ADAM22: variants seen among roughly 807,000 people sequenced by gnomAD.
ADAM22 encodes the protein disintegrin and metalloproteinase domain-containing protein 22.
ADAM22 carries 65 observed loss-of-function variants against 144.6 expected under a neutral mutation model. The observed-to-expected ratio is 0.45, with a 90% confidence interval of 0.37 to 0.55. The LOEUF is 0.55. ADAM22 is among the 20% of genes least tolerant of loss of function. The pLI is 0.00. For synonymous variants in ADAM22, 391 were observed against 412.6 expected, an observed-to-expected ratio of 0.95 and a Z score of 0.63; for missense variants, 974 against 1,184.9, an observed-to-expected ratio of 0.82 and a Z score of 2.61.
intron 4 of ADAM22, among the ~76,000 whole-genome samples, chr7:88,086,547 A>T (rs1372974826): frequency 6.6e-6 from 1 of 152,260 alleles, no homozygotes; most frequent in Non-Finnish European, 1.5e-5. Context: ...TTAATGGGAC[A>T]TATTAATCTT....
chr7:87,959,438 C>T (rs531292135), intron 2 of ADAM22, among the ~76,000 whole-genome samples: 141 of 152,116 alleles, frequency 9.3e-4, no homozygotes, highest in Middle Eastern at 6.8e-3. Context: ...GTCATATATG[C>T]AAATCGCTGG....
At chr7:88,021,550 T>A (rs1389774257) in intron 3 of ADAM22, among the ~76,000 whole-genome samples, 1 of 152,200 alleles carries the variant, frequency 6.6e-6, no homozygotes, top group East Asian at 1.9e-4. Context: ...CCTTATGTTT[T>A]CTATTAGCGA....
intron 2 of ADAM22, among the ~76,000 whole-genome samples, chr7:87,938,702 T>C (rs1009647226): frequency 1.6e-4 from 24 of 152,252 alleles, no homozygotes; most frequent in African/African-American, 5.3e-4. Context: ...CTGGATGGAG[T>C]GCAGCGGCAC....
intron 2 of ADAM22, among the ~76,000 whole-genome samples, chr7:87,950,889 GTGA>G (rs1341670365): frequency 2.6e-5 from 4 of 151,078 alleles, no homozygotes; most frequent in Non-Finnish European, 5.9e-5. Flanking sequence ...CTGATGGCCA[GTGA>G]TGATGAGCAT....
Position 88,179,089 on chromosome 7 carries a change from CATT to C in ADAM22, c.2459_2461del (p.Tyr820del), listed in dbSNP as rs1563405444. On this transcript the variant is annotated inframe_deletion, in exon 27 of 32. Transcript: ENST00000413139. ...TCAGATTTCTACCTGTTCCATCACACATTATTCCATTAGTCAGAACATTTCATT... is the reference window on the plus strand; with the variant it reads ...TCAGATTTCTACCTGTTCCATCACACATTCCATTAGTCAGAACATTTCATT... 1 of 1,379,328 alleles carries C rather than the reference CATT, an allele frequency of 7.2e-7. No individual in the cohort carries two copies. The highest frequency in any genetic ancestry group is 1.0e-6 in the Non-Finnish European group (1 of 967,554). The allele number at this position is 1,379,328 out of a possible 1,614,324, so 85.4% of individuals were successfully genotyped here. A position where few individuals can be genotyped will look rare whatever the true frequency, so the allele number is the denominator to read the frequency against.
intron 29 of ADAM22, chr7:88,186,108 A>T (rs1848245371): frequency 5.9e-6 from 1 of 168,500 alleles, no homozygotes; most frequent in African/African-American, 2.4e-5. Flanking sequence ...CCCTCTATAG[A>T]GAGTAAGACA....
chr7:88,199,964 G>C lies in ADAM22; in HGVS notation c.*3473G>C, dbSNP rs1377810034. 1 of 152,158 alleles carries C rather than the reference G, an allele frequency of 6.6e-6. No individual in the cohort carries two copies. Among genetic ancestry groups the C allele is most frequent in the Non-Finnish European group, 1.5e-5 (1 of 68,012 alleles). 9.4% of individuals were successfully genotyped at this position (152,158 alleles called of 1,614,324 possible). A position where few individuals can be genotyped will look rare whatever the true frequency, so the allele number is the denominator to read the frequency against. ...GGATATTCTCTGCACTTTCAGAGAA[G>C]GACTATTTATGTTTGAATTTCATAA... On this transcript the variant is annotated 3_prime_UTR_variant, in exon 32 of 32. Transcript: ENST00000413139.
chr7:87,938,756 T>G (rs1841883440), intron 2 of ADAM22, among the ~76,000 whole-genome samples: 2 of 152,070 alleles, frequency 1.3e-5, no homozygotes, highest in African/African-American at 4.8e-5. Flanking sequence ...TTCAAGCGAT[T>G]CTCCTGCCTC....
chr7:87,969,616 T>C (rs552063631), intron 2 of ADAM22, among the ~76,000 whole-genome samples: 1 of 152,336 alleles, frequency 6.6e-6, no homozygotes, highest in South Asian at 2.1e-4. Flanking sequence ...TTTTGCTCTT[T>C]AAGAGATGAG....
chr7:88,061,894 G>GTACAGT (rs1809990715), intron 3 of ADAM22, among the ~76,000 whole-genome samples: 1 of 143,424 alleles, frequency 7.0e-6, no homozygotes, highest in African/African-American at 2.6e-5. Flanking sequence ...CCAGGCTGGA[G>GTACAGT]TACAGTGACA....
At chr7:87,955,804 C>A (rs1292952109) in intron 2 of ADAM22, among the ~76,000 whole-genome samples, 1 of 152,158 alleles carries the variant, frequency 6.6e-6, no homozygotes, top group African/African-American at 2.4e-5. Flanking sequence ...CTGGCTGCTT[C>A]GTTTACCTAA....
At chr7:88,141,431 A>G (rs1834596637) in intron 14 of ADAM22, among the ~76,000 whole-genome samples, 1 of 152,202 alleles carries the variant, frequency 6.6e-6, no homozygotes, top group African/African-American at 2.4e-5. Context: ...CCATTAATTA[A>G]TAACAAAGTA....
chr7:87,982,068 T>TAG (rs1244517564), intron 3 of ADAM22, among the ~76,000 whole-genome samples: 1 of 93,720 alleles, frequency 1.1e-5, no homozygotes, highest in African/African-American at 4.6e-5. Context: ...TATATATATA[T>TAG]ACACACACAC....
At chr7:88,044,976 C>T (rs1481160775) in intron 3 of ADAM22, among the ~76,000 whole-genome samples, 14 of 151,586 alleles carry the variant, frequency 9.2e-5, no homozygotes, top group African/African-American at 2.9e-4. Flanking sequence ...CCGCCCACCT[C>T]GGCCTCCCAA....
chr7:87,952,288 T>C (rs1258426606), intron 2 of ADAM22, among the ~76,000 whole-genome samples: 4 of 151,620 alleles, frequency 2.6e-5, no homozygotes, highest in African/African-American at 9.6e-5. Context: ...TTGTCATAGA[T>C]AGCTCTTATT....
chr7:88,179,919 T>C (rs1846571438), intron 27 of ADAM22, among the ~76,000 whole-genome samples: 1 of 152,112 alleles, frequency 6.6e-6, no homozygotes, highest in South Asian at 2.1e-4. Context: ...TTGGTAGCCC[T>C]GCTCATGCCT....
intron 7 of ADAM22, 144 bp from the exon 8 acceptor site, chr7:88,125,445 C>T (rs1381318944): frequency 1.9e-6 from 1 of 528,894 alleles, no homozygotes; most frequent in Non-Finnish European, 3.4e-6. Flanking sequence ...TAATATACTA[C>T]AGTTACTTAA....
At chr7:88,134,554 A>G (rs920106009) in intron 13 of ADAM22, 135 bp downstream of exon 13, 3 of 601,048 alleles carry the variant, frequency 5.0e-6, no homozygotes, top group Non-Finnish European at 8.5e-6. Context: ...CATCCAGCGC[A>G]CAAACTGTTG....
chr7:88,127,507 G>A (rs1830693577), intron 8 of ADAM22, among the ~76,000 whole-genome samples: 1 of 151,672 alleles, frequency 6.6e-6, no homozygotes. Flanking sequence ...TCTCATCATT[G>A]GATGCACTTT....
Sources: allele counts gnomAD v4.1 joint callset (sites outside exome capture counted in the v4.1 genomes callset), GRCh38; gene constraint gnomAD v4.1.1; transcripts MANE v1.5; gene names NCBI Gene and HGNC (gene_info 2026-07-23, HGNC 2026-07-21).